Variants in LIMS1 observed in about 807,000 individuals in gnomAD.
LIMS1 encodes LIM zinc finger domain containing 1.
In LIMS1, 18 loss-of-function variants were observed where a neutral mutation model predicts 44.1. The observed-to-expected ratio is 0.41, with a 90% CI of 0.28 to 0.61. The LOEUF (loss-of-function observed/expected upper bound fraction) is 0.61. Among genes scored for constraint, LIMS1 ranks in the 20% least tolerant of loss-of-function variants. LIMS1 has a pLI of 0.32. For missense variants in LIMS1, 201 were observed against 422.0 expected (o/e 0.48, Z 4.59); for synonymous variants, 93 against 149.1 (o/e 0.62, Z 2.74).
intron 1 of LIMS1, chr2:108,588,307 A>G (rs1033049150): frequency 2.5e-5 from 25 of 985,114 alleles, no homozygotes; most frequent in Non-Finnish European, 3.0e-5. Context: ...CATTGGCTCA[A>G]ATATAGTTCA....
intron 1 of LIMS1, among the ~76,000 whole-genome samples, chr2:108,618,823 CA>C (rs36086497): frequency 0.44 from 37,765 of 85,680 alleles, 4,934 homozygotes; most frequent in Middle Eastern, 0.6. Flanking sequence ...GACTCCGTCT[CA>C]AAAAAAAAAA....
chr2:108,680,316 G>C (rs2378210), intron 8 of LIMS1, among the ~76,000 whole-genome samples: 1 of 148,030 alleles, frequency 6.8e-6, no homozygotes, highest in Non-Finnish European at 1.5e-5. Context: ...GCAGTGAGCC[G>C]TGATTGCGCC....
chr2:108,563,743 T>A (rs1685200560), intron 1 of LIMS1, among the ~76,000 whole-genome samples: 1 of 152,050 alleles, frequency 6.6e-6, no homozygotes, highest in Non-Finnish European at 1.5e-5. Flanking sequence ...ATGGCAGGGT[T>A]TGAGAGAATT....
At chr2:108,625,581 C>G (rs543668868) in intron 1 of LIMS1, among the ~76,000 whole-genome samples, 1 of 151,476 alleles carries the variant, frequency 6.6e-6, no homozygotes, top group East Asian at 1.9e-4. Context: ...TATGAATCCC[C>G]CCCCCCAAAA....
At chr2:108,615,062 A>G (rs549809719) in intron 1 of LIMS1, among the ~76,000 whole-genome samples, 1 of 151,808 alleles carries the variant, frequency 6.6e-6, no homozygotes, top group African/African-American at 2.4e-5. Context: ...GCAGATATAG[A>G]TACGCTAGAA....
At chr2:108,601,440 C>G (rs942666082) in intron 1 of LIMS1, among the ~76,000 whole-genome samples, 29 of 152,080 alleles carry the variant, frequency 1.9e-4, no homozygotes, top group Non-Finnish European at 4.0e-4. Context: ...GTCACGAGTG[C>G]CCTTCGTGAC....
chr2:108,555,155 T>C (rs1684882130), intron 1 of LIMS1, among the ~76,000 whole-genome samples: 1 of 152,196 alleles, frequency 6.6e-6, no homozygotes, highest in Non-Finnish European at 1.5e-5. Flanking sequence ...GGTCTAGAGG[T>C]ATCCACATGA....
At chr2:108,599,483 G>A (rs1686886475) in intron 1 of LIMS1, among the ~76,000 whole-genome samples, 3 of 152,104 alleles carry the variant, frequency 2.0e-5, no homozygotes, top group African/African-American at 7.2e-5. Context: ...TGGCTATTGT[G>A]ATCAGTGCTG....
intron 1 of LIMS1, among the ~76,000 whole-genome samples, chr2:108,594,338 C>T (rs572058559): frequency 6.6e-6 from 1 of 152,264 alleles, no homozygotes; most frequent in East Asian, 1.9e-4. Flanking sequence ...AAACCAGCTA[C>T]TGAATGCACC....
intron 1 of LIMS1, among the ~76,000 whole-genome samples, chr2:108,627,400 GTTTTTTTT>G (rs58261864): frequency 9.3e-6 from 1 of 107,056 alleles, no homozygotes. Context: ...TCCCTTTCTG[GTTTTTTTT>G]TTTTTTTTTT....
chr2:108,626,298 G>A (rs550348152), intron 1 of LIMS1, among the ~76,000 whole-genome samples: 29 of 152,292 alleles, frequency 1.9e-4, no homozygotes, highest in Non-Finnish European at 3.7e-4. Flanking sequence ...GATATTATCT[G>A]TTCTTATTAT....
intron 9 of LIMS1, chr2:108,681,354 TG>T: frequency 1.0e-6 from 1 of 984,848 alleles, no homozygotes; most frequent in African/African-American, 1.7e-5. Flanking sequence ...TACAGTTTTG[TG>T]GTCATGTATT....
chr2:108,648,070 C>T (rs1201269104), intron 1 of LIMS1, among the ~76,000 whole-genome samples: 3 of 152,144 alleles, frequency 2.0e-5, no homozygotes, highest in African/African-American at 7.2e-5. Context: ...AAAACCCCAT[C>T]GTGTCAGCCC....
chr2:108,584,335 T>C (rs1686011414), intron 1 of LIMS1, among the ~76,000 whole-genome samples: 1 of 152,178 alleles, frequency 6.6e-6, no homozygotes, highest in Non-Finnish European at 1.5e-5. Context: ...AAGACTTATT[T>C]TAGCTGGTGT....
At chr2:108,615,362 A>G (rs1687873354) in intron 1 of LIMS1, among the ~76,000 whole-genome samples, 1 of 152,142 alleles carries the variant, frequency 6.6e-6, no homozygotes, top group Non-Finnish European at 1.5e-5. Flanking sequence ...TTTTGCCCTC[A>G]GGGAGGAAAA....
chr2:108,654,857 CA>C lies in LIMS1; in HGVS notation c.33-4747del, dbSNP rs1690741214. 5.3e-5 allele frequency: 71 copies of C among 1,350,614 alleles called. No individual in the cohort carries two copies. In the South Asian group the frequency reaches 1.1e-3, roughly 20 times the overall value. 83.7% of individuals were successfully genotyped at this position (1,350,614 alleles called of 1,614,324 possible). ...TTGTGGAATGTTATTTTAGAACTTC[CA>C]GAATGCCTCAGTAAATCCTGACTGC... On this transcript the variant is annotated intron_variant, in intron 1 of 9. Coordinates refer to ENST00000544547, the Ensembl canonical transcript of LIMS1.
intron 1 of LIMS1, among the ~76,000 whole-genome samples, chr2:108,612,011 T>TATTATATATACACACATAG (rs1687670312): frequency 1.5e-5 from 2 of 133,546 alleles, no homozygotes; most frequent in Non-Finnish European, 1.6e-5. Flanking sequence ...TACACACATA[T>TATTATATATACACACATAG]ATATATACAC....
intron 1 of LIMS1, among the ~76,000 whole-genome samples, chr2:108,608,258 C>G (rs946217818): frequency 2.0e-5 from 3 of 151,752 alleles, no homozygotes; most frequent in African/African-American, 7.3e-5. Flanking sequence ...TTTAGGTTTT[C>G]CTTGGTGTAT....
chr2:108,600,801 A>G (rs1037331318), intron 1 of LIMS1, among the ~76,000 whole-genome samples: 1 of 152,234 alleles, frequency 6.6e-6, no homozygotes, highest in Non-Finnish European at 1.5e-5. Context: ...AAATCCAGTA[A>G]TGTGATTCCC....
Sources: gnomAD v4.1 joint callset for allele counts (sites outside exome capture counted in the v4.1 genomes callset) on GRCh38, gnomAD v4.1.1 for gene constraint, MANE v1.5 for transcripts, NCBI Gene and HGNC (gene_info 2026-07-23, HGNC 2026-07-21) for gene names.